MS4A1: variants seen among roughly 807,000 people sequenced by gnomAD.
MS4A1 encodes the protein B-lymphocyte antigen CD20.
MS4A1 carries 16 observed loss-of-function variants against 26.5 expected under a neutral mutation model. The observed-to-expected ratio is 0.60, with a 90% CI of 0.41 to 0.92. The LOEUF is 0.92. MS4A1 is among the 40% of genes least tolerant of loss of function. MS4A1 has a pLI of 0.00. For missense variants in MS4A1, 350 were observed against 353.0 expected (o/e 0.99, Z 0.07); for synonymous variants, 128 against 117.6 (o/e 1.09, Z -0.57).
chr11:60,464,221 T>G (rs546451752), intron 4 of MS4A1, 67 bp from the exon 5 acceptor site: 2 of 1,183,162 alleles, frequency 1.7e-6, no homozygotes, highest in East Asian at 2.4e-5. Flanking sequence ...AAAAGTGATC[T>G]CCCTCTCTCC....
intron 1 of MS4A1, among the ~76,000 whole-genome samples, chr11:60,456,875 C>T (rs1047118165): frequency 1.3e-5 from 2 of 152,162 alleles, no homozygotes; most frequent in Non-Finnish European, 2.9e-5. Flanking sequence ...AGGGGATCCA[C>T]CTGCCTCGGC....
rs370267004 is a variant in MS4A1 at position 60,461,809 on chromosome 11, C to T, written c.-190-376C>T. Among the ~76,000 whole-genome samples, 23 of 149,890 alleles carry T rather than the reference C, an allele frequency of 1.5e-4. 1 individual carries two copies. Among genetic ancestry groups the T allele is most frequent in the African/African-American group, 3.9e-4 (16 of 41,326 alleles). ...TGCTTGGATTACAGGCATGAGCCAC[C>T]GTGCCCGACCTAGAGAGCCTTCTTG... On this transcript the variant is annotated intron_variant, in intron 2 of 7. Transcript: ENST00000345732.
At chr11:60,465,538 C>G (rs11230334) in intron 5 of MS4A1, among the ~76,000 whole-genome samples, 72,757 of 152,068 alleles carry the variant, frequency 0.48, 17,609 homozygotes, top group African/African-American at 0.51. Context: ...TTCCCTCTAC[C>G]TATTTATGAA....
rs201354938 is a variant in MS4A1, at chr11:60,462,444, C to T, written c.70C>T (p.Gln24Ter). The change falls in exon 3 of 8, where the codon CAA (glutamine) becomes TAA (stop). Residue 24 changes from glutamine (Q) to a stop codon, truncating the protein, a stop_gained. Transcript: ENST00000345732. LOFTEE classifies it high-confidence loss of function. ...AEPMKGPIAM[Q>*]SGPKPLFRRM... ...GCCAATGAAAGGCCCTATTGCTATG[C>T]AATCTGGTCCAAAACCACTCTTCAG... 18 of 1,614,194 alleles carry T rather than the reference C, an allele frequency of 1.1e-5. No individual in the cohort carries two copies. The African/African-American group carries it at 1.9e-4, about 17-fold the overall frequency.
rs1047686633 is a variant in MS4A1 at position 60,466,219 on chromosome 11, A to T, written c.573+62A>T. On this transcript the variant is annotated intron_variant, in intron 6 of 7. Coordinates refer to ENST00000345732, the MANE Select transcript of MS4A1 (RefSeq NM_152866.3). Reference sequence around the variant, plus strand: ...TCCAGGGAGGAAGGATGACTTGTTTATTATGAGCATGAACTCTGGATCCAG... The same window carrying T: ...TCCAGGGAGGAAGGATGACTTGTTTTTTATGAGCATGAACTCTGGATCCAG... The T allele has an allele frequency of 7.7e-6, 10 of 1,305,732 alleles. No homozygotes were observed. The African/African-American group carries it at 1.5e-4, about 19-fold the overall frequency. 80.9% of individuals were successfully genotyped at this position (1,305,732 alleles called of 1,614,324 possible).
chr11:60,466,596 A>G (rs1471262020), intron 6 of MS4A1: 1 of 324,556 alleles, frequency 3.1e-6, no homozygotes. Flanking sequence ...AAAAAAATGC[A>G]TCTCCCAAGG....
intron 1 of MS4A1, among the ~76,000 whole-genome samples, chr11:60,457,687 A>T (rs2086215363): frequency 6.6e-6 from 1 of 152,292 alleles, no homozygotes; most frequent in Admixed American, 6.5e-5. Flanking sequence ...CAAATAAAAC[A>T]ATCTGAGACA....
Position 60,464,354 on chromosome 11 carries a change from C to A in MS4A1, c.336+10C>A, listed in dbSNP as rs372476401. 1.1e-5 allele frequency: 17 copies of A among 1,611,902 alleles called. No homozygotes were observed. In the African/African-American group the frequency reaches 2.3e-4, roughly 22 times the overall value. ...CTCCAGGAAGTGTTTGGCAAGTAAC[C>A]ATATGTCCTTCTTTCCCACATGTCA... On this transcript the variant is annotated intron_variant, in intron 5 of 7. Transcript: ENST00000345732.
At chr11:60,458,677 T>C (rs2086223394) in intron 1 of MS4A1, among the ~76,000 whole-genome samples, 1 of 152,224 alleles carries the variant, frequency 6.6e-6, no homozygotes, top group African/African-American at 2.4e-5. Flanking sequence ...TAAGGCAAAA[T>C]TGCGAGAATC....
intron 7 of MS4A1, 147 bp downstream of exon 7, chr11:60,467,207 C>T: frequency 1.5e-6 from 1 of 687,674 alleles, no homozygotes; most frequent in Non-Finnish European, 2.6e-6. Context: ...TTCTAGAAAG[C>T]AAATAATATG....
chr11:60,466,025 A>T lies in MS4A1; in HGVS notation c.441A>T (p.Leu147Phe). Residue 147 changes from leucine to phenylalanine, a missense_variant, in exon 6 of 8, where the codon TTA becomes TTT. Coordinates refer to ENST00000345732, the MANE Select transcript of MS4A1 (RefSeq NM_152866.3). ...TTAATATTAAAATTTCCCATTTTTT[A>T]AAAATGGAGAGTCTGAATTTTATTA... Reference protein sequence around the residue: ...DILNIKISHFLKMESLNFIRA... With the variant: ...DILNIKISHFFKMESLNFIRA... 5 of 1,613,696 alleles carry T rather than the reference A, an allele frequency of 3.1e-6. No homozygotes were observed. Among genetic ancestry groups the T allele is most frequent in the Non-Finnish European group, 4.2e-6 (5 of 1,179,654 alleles).
At chr11:60,467,468 G>A (rs2086303631) in intron 7 of MS4A1, among the ~76,000 whole-genome samples, 1 of 151,824 alleles carries the variant, frequency 6.6e-6, no homozygotes, top group Non-Finnish European at 1.5e-5. Context: ...TAGAGACGGG[G>A]GTTCACCATG....
At position 60,462,585 on chromosome 11, in the gene MS4A1, A is replaced by G. The variant is rs1387415168; in HGVS notation, c.159+52A>G. 2.5e-6 allele frequency: 4 copies of G among 1,608,024 alleles called. No individual in the cohort carries two copies. The African/African-American group carries it at 4.0e-5, about 16-fold the overall frequency. ...TCGTAGGGATTCTCTGGCTGACAGA[A>G]GCTGATGCGGTATAGGCCACATACA... On this transcript the variant is annotated intron_variant, in intron 3 of 7. Coordinates refer to ENST00000345732, the MANE Select transcript of MS4A1 (RefSeq NM_152866.3).
intron 1 of MS4A1, among the ~76,000 whole-genome samples, chr11:60,458,416 T>C (rs1212828242): frequency 2.0e-5 from 3 of 152,182 alleles, no homozygotes; most frequent in Non-Finnish European, 1.5e-5. Context: ...TGGATGGACA[T>C]GAAAACAGGG....
Position 60,462,547 on chromosome 11 carries a change from C to T in MS4A1, c.159+14C>T, listed in dbSNP as rs2086257067. 6.2e-7 allele frequency: 1 copy of T among 1,614,010 alleles called. No individual in the cohort carries two copies. The stretch of plus-strand genomic sequence containing the variant: ...AAGACTTTGGGGGTAAGTCAGTTGC[C>T]TTCCATCCCATGTCGTAGGGATTCT... On this transcript the variant is annotated intron_variant, in intron 3 of 7. Coordinates refer to ENST00000345732, the MANE Select transcript of MS4A1 (RefSeq NM_152866.3).
chr11:60,465,089 GA>G (rs2086280110), intron 5 of MS4A1, among the ~76,000 whole-genome samples: 1 of 152,212 alleles, frequency 6.6e-6, no homozygotes, highest in Admixed American at 6.5e-5. Context: ...AGTTTGGGGG[GA>G]AAACTTTTTA....
At chr11:60,466,560 T>G in intron 6 of MS4A1, 1 of 320,566 alleles carries the variant, frequency 3.1e-6, no homozygotes, top group Non-Finnish European at 5.8e-6. Context: ...CCAAGGACTT[T>G]TAAATGTAGA....
rs202037755 is a variant in MS4A1 at position 60,464,259 on chromosome 11, T to C, written c.280-29T>C. The stretch of plus-strand genomic sequence containing the variant: ...TATCTCCTGTCTTGCCCACCCCCTC[T>C]CCATCTCCCCCACCTCTCTTTTTTA... On this transcript the variant is annotated intron_variant, in intron 4 of 7. Transcript: ENST00000345732. 5.9e-4 allele frequency: 782 copies of C among 1,324,876 alleles called. 1 individual carries two copies. The highest frequency in any genetic ancestry group is 7.9e-4 in the Non-Finnish European group (751 of 945,282). The allele number at this position is 1,324,876 out of a possible 1,614,324, so 82.1% of individuals were successfully genotyped here. A position where few individuals can be genotyped will look rare whatever the true frequency, so the allele number is the denominator to read the frequency against.
intron 3 of MS4A1, 150 bp from the exon 4 acceptor site, chr11:60,462,852 C>G: frequency 1.6e-6 from 2 of 1,258,840 alleles, no homozygotes; most frequent in Non-Finnish European, 2.3e-6. Flanking sequence ...CAGATTCGAA[C>G]AAGAAAAAGA....
Sources: allele counts gnomAD v4.1 joint callset (sites outside exome capture counted in the v4.1 genomes callset), GRCh38; gene constraint gnomAD v4.1.1; transcripts MANE v1.5; gene names NCBI Gene and HGNC (gene_info 2026-07-23, HGNC 2026-07-21).